Variants in FAM135A observed in about 807,000 individuals in gnomAD.
FAM135A encodes protein FAM135A.
In FAM135A, 79 loss-of-function variants were observed where a neutral mutation model predicts 146.8. The ratio of observed to expected loss-of-function variants is 0.54; its 90% CI spans 0.45 to 0.65. The LOEUF is 0.65. FAM135A is among the 30% of genes least tolerant of loss of function. FAM135A has a pLI of 0.00. For synonymous variants in FAM135A, 562 were observed against 603.6 expected (o/e 0.93, Z 1.01); for missense variants, 1,623 against 1,758.2 (o/e 0.92, Z 1.38).
chr6:70,453,968 G>A (rs1396865709), intron 5 of FAM135A, among the ~76,000 whole-genome samples: 1 of 152,176 alleles, frequency 6.6e-6, no homozygotes, highest in Non-Finnish European at 1.5e-5. Context: ...TCTAGTTCTA[G>A]ATCCTTGAGG....
Position 70,525,396 on chromosome 6 carries a change from G to A in FAM135A, c.2312G>A (p.Gly771Asp), listed in dbSNP as rs1316647111. Residue 771 changes from glycine (G) to aspartate (D), a missense_variant, in exon 15 of 22, where the codon GGT (glycine) becomes GAT (aspartate). Gly to Asp is a moderately conservative substitution (Grantham distance 94). Transcript: ENST00000418814. ...GCCTCATCTAGATTTTCAGATTCAG[G>A]TGTTGAAAGTGAACCGAGTTCTTTT... Reference protein sequence around the residue: ...TYASSRFSDSGVESEPSSFAT... With the variant: ...TYASSRFSDSDVESEPSSFAT... 3 of 1,613,686 alleles carry A rather than the reference G, an allele frequency of 1.9e-6. No homozygotes were observed. The highest frequency in any genetic ancestry group is 2.2e-5 in the East Asian group (1 of 44,862).
chr6:70,470,019 A>C (rs1781294440), intron 5 of FAM135A, among the ~76,000 whole-genome samples: 1 of 152,110 alleles, frequency 6.6e-6, no homozygotes, highest in African/African-American at 2.4e-5. Context: ...AAACAACAAC[A>C]AAAGAACAAG....
chr6:70,525,087 G>A lies in FAM135A; in HGVS notation c.2003G>A (p.Ser668Asn). The change falls in exon 15 of 22, where the codon AGT becomes AAT. Residue 668 changes from serine to asparagine, a missense_variant. By Grantham distance (46) the Ser-to-Asn change is conservative. Coordinates refer to ENST00000418814, the MANE Select transcript of FAM135A (RefSeq NM_001162529.3). The part of the protein sequence containing the change: ...EIKPSNKDPF[S>N]GENITVKLGP... ...AAGCCCAGTAATAAAGATCCTTTCA[G>A]TGGAGAGAATATAACTGTCAAACTA... 1 of 1,573,388 alleles carries A rather than the reference G, an allele frequency of 6.4e-7. No individual in the cohort carries two copies. The highest frequency in any genetic ancestry group is 8.6e-7 in the Non-Finnish European group (1 of 1,165,786).
At chr6:70,559,359 T>C (rs1465493423) in intron 21 of FAM135A, among the ~76,000 whole-genome samples, 3 of 151,910 alleles carry the variant, frequency 2.0e-5, no homozygotes, top group Non-Finnish European at 4.4e-5. Flanking sequence ...GAGAATGGCT[T>C]GAACCCGGGA....
chr6:70,463,525 G>A (rs551969035), intron 5 of FAM135A, among the ~76,000 whole-genome samples: 3 of 151,822 alleles, frequency 2.0e-5, no homozygotes, highest in Admixed American at 6.6e-5. Context: ...CTCCCAAAGC[G>A]CTAGGATTAC....
chr6:70,419,287 C>T (rs536884097), intron 2 of FAM135A, among the ~76,000 whole-genome samples: 14 of 152,264 alleles, frequency 9.2e-5, no homozygotes, highest in Admixed American at 1.3e-4. Context: ...GGCGTGGTGG[C>T]GCACGCCTGT....
chr6:70,443,301 C>T (rs760485190), intron 4 of FAM135A, among the ~76,000 whole-genome samples: 3 of 152,190 alleles, frequency 2.0e-5, no homozygotes, highest in Non-Finnish European at 4.4e-5. Flanking sequence ...ATTCCCATCA[C>T]CTCGTGATGG....
chr6:70,442,722 G>C (rs1238232017), intron 4 of FAM135A, among the ~76,000 whole-genome samples: 1 of 149,350 alleles, frequency 6.7e-6, no homozygotes, highest in East Asian at 1.9e-4. Context: ...GGTAACACCT[G>C]AATCCATCAT....
chr6:70,439,616 TTG>T (rs1485030843), intron 4 of FAM135A, among the ~76,000 whole-genome samples: 1 of 152,204 alleles, frequency 6.6e-6, no homozygotes, highest in Admixed American at 6.5e-5. Context: ...GCTGATTTAT[TTG>T]TGATTATGTT....
At position 70,522,420 on chromosome 6, in the gene FAM135A, C is replaced by T. The variant is rs557300389; in HGVS notation, c.1030-93C>T. On this transcript the variant is annotated intron_variant, in intron 12 of 21. Transcript: ENST00000418814. Reference sequence around the variant, plus strand: ...AATTCTGACGGGTGATTGTGGAAGGCGTAATGGAGGCAGTTTCTCTCCTTA... The same window carrying T: ...AATTCTGACGGGTGATTGTGGAAGGTGTAATGGAGGCAGTTTCTCTCCTTA... The T allele has an allele frequency of 7.4e-5, 72 of 978,052 alleles. 1 individual carries two copies. The highest frequency in any genetic ancestry group is 7.3e-4 in the South Asian group (51 of 69,394). The allele number at this position is 978,052 out of a possible 1,614,324, so 60.6% of individuals were successfully genotyped here.
At chr6:70,542,537 C>T (rs925128894) in intron 20 of FAM135A, among the ~76,000 whole-genome samples, 1 of 152,100 alleles carries the variant, frequency 6.6e-6, no homozygotes, top group African/African-American at 2.4e-5. Flanking sequence ...TCGCTGTATA[C>T]CTTTGGGGTT....
At chr6:70,492,894 G>T (rs1786339908) in intron 11 of FAM135A, among the ~76,000 whole-genome samples, 1 of 151,906 alleles carries the variant, frequency 6.6e-6, no homozygotes. Flanking sequence ...GTATAAATTG[G>T]CACAGTATTT....
chr6:70,494,189 A>G (rs1456628383), intron 11 of FAM135A, among the ~76,000 whole-genome samples: 1 of 152,196 alleles, frequency 6.6e-6, no homozygotes. Context: ...ATATAATTGA[A>G]AAAAACTTGA....
chr6:70,556,951 T>A, intron 21 of FAM135A, 88 bp downstream of exon 21: 1 of 887,954 alleles, frequency 1.1e-6, no homozygotes, highest in Non-Finnish European at 1.8e-6. Context: ...CTCGTATCTG[T>A]CACCCTTCTC....
Position 70,528,472 on chromosome 6 carries a change from G to C in FAM135A, c.3775+20G>C. On this transcript the variant is annotated intron_variant, in intron 16 of 21. Coordinates refer to ENST00000418814, the MANE Select transcript of FAM135A (RefSeq NM_001162529.3). ...TAGATGGTATGTGACATCTATGGAT[G>C]TAACCCAGAGCAACTCAATATATTT... is the stretch of plus-strand genomic sequence containing the variant. 6.5e-7 allele frequency: 1 copy of C among 1,547,302 alleles called. No homozygotes were observed. The highest frequency in any genetic ancestry group is 8.7e-7 in the Non-Finnish European group (1 of 1,149,864).
chr6:70,456,610 G>A (rs1011454868), intron 5 of FAM135A, among the ~76,000 whole-genome samples: 4 of 152,264 alleles, frequency 2.6e-5, no homozygotes, highest in East Asian at 1.9e-4. Context: ...TTTTAGGTTG[G>A]TGTAAAGGAT....
chr6:70,538,805 G>A (rs9455153), intron 20 of FAM135A, among the ~76,000 whole-genome samples: 13,127 of 112,144 alleles, frequency 0.12, 719 homozygotes, highest in African/African-American at 0.23. Context: ...ATTATGTTAT[G>A]TTATATTATA....
chr6:70,514,574 G>A (rs528540336), intron 12 of FAM135A, among the ~76,000 whole-genome samples: 1 of 152,284 alleles, frequency 6.6e-6, no homozygotes, highest in Admixed American at 6.5e-5. Context: ...GAGAATTAAG[G>A]TCACAGGCAA....
chr6:70,525,526 T>C lies in FAM135A; in HGVS notation c.2442T>C (p.Asn814=), dbSNP rs375636314. Residue 814 remains asparagine, a synonymous_variant, in exon 15 of 22, where the codon AAT becomes AAC. Coordinates refer to ENST00000418814, the MANE Select transcript of FAM135A (RefSeq NM_001162529.3). ...FPQLLMKPDY[N]VKFSLGNHCT... ...AGCTTTTGATGAAACCTGATTATAATGTAAAATTTTCATTAGGAAATCATT... is the reference window on the plus strand; with the variant it reads ...AGCTTTTGATGAAACCTGATTATAACGTAAAATTTTCATTAGGAAATCATT... 20 of 1,612,398 alleles carry C rather than the reference T, an allele frequency of 1.2e-5. No homozygotes were observed. The highest frequency in any genetic ancestry group is 1.7e-5 in the Non-Finnish European group (20 of 1,179,424).
Sources: allele counts gnomAD v4.1 joint callset (sites outside exome capture counted in the v4.1 genomes callset), GRCh38; gene constraint gnomAD v4.1.1; transcripts MANE v1.5; gene names NCBI Gene and HGNC (gene_info 2026-07-23, HGNC 2026-07-21).